The following HMCN1 variants were observed in gnomAD, a reference collection of about 807,000 sequenced individuals.
The protein encoded by HMCN1 is hemicentin 1.
HMCN1 carries 321 observed loss-of-function variants against 625.9 expected under a neutral mutation model. The observed-to-expected ratio is 0.51, with a 90% confidence interval of 0.47 to 0.56. HMCN1 has a LOEUF of 0.56. HMCN1 is among the 20% of genes least tolerant of loss of function. The pLI is 0.00. For missense variants in HMCN1, 6,588 were observed against 6,887.3 expected (o/e 0.96, Z 1.54); for synonymous variants, 2,425 against 2,417.6 (o/e 1.00, Z -0.09).
chr1:186,001,706 G>T lies in HMCN1; in HGVS notation c.4313G>T (p.Gly1438Val), dbSNP rs1653212996. The change falls in exon 28 of 107, where the codon GGC becomes GTC. Residue 1438 changes from glycine to valine, a missense_variant. Around this residue, in one of 3 missense-constraint regions of HMCN1, gnomAD observed 4,628 missense variants for 4,853.1 expected, o/e 0.95. Coordinates refer to ENST00000271588, the MANE Select transcript of HMCN1 (RefSeq NM_031935.3). ...RYSCKAINIAGTSQKYFNIDV... is the reference protein window; with the variant it reads ...RYSCKAINIAVTSQKYFNIDV... ...TCCTGCAAAGCAATTAATATTGCAG[G>T]CACTTCTCAGAAGTACTTTAACATT... The T allele has an allele frequency of 1.4e-5, 23 of 1,612,492 alleles. No individual in the cohort carries two copies. Among genetic ancestry groups the T allele is most frequent in the Non-Finnish European group, 2.0e-5 (23 of 1,178,890 alleles).
chr1:185,889,311 T>C (rs1571508135), intron 4 of HMCN1, among the ~76,000 whole-genome samples: 1 of 143,278 alleles, frequency 7.0e-6, no homozygotes, highest in East Asian at 2.0e-4. Context: ...TTCCTTCTCC[T>C]GCCTAATTGC....
chr1:185,937,219 C>G (rs1312672149), intron 11 of HMCN1, among the ~76,000 whole-genome samples: 1 of 152,160 alleles, frequency 6.6e-6, no homozygotes, highest in East Asian at 1.9e-4. Context: ...GTGTCTTAGT[C>G]TGTTTTTTGC....
intron 29 of HMCN1, among the ~76,000 whole-genome samples, chr1:186,005,267 G>T (rs1653508927): frequency 7.2e-6 from 1 of 138,162 alleles, no homozygotes; most frequent in Non-Finnish European, 1.6e-5. Flanking sequence ...ATTTTTAATT[G>T]TTTATAAATG....
chr1:186,066,076 C>T (rs1658090678), intron 49 of HMCN1, among the ~76,000 whole-genome samples: 1 of 152,136 alleles, frequency 6.6e-6, no homozygotes, highest in Non-Finnish European at 1.5e-5. Context: ...TAGATAGAAA[C>T]TTCTCATATT....
At chr1:186,170,051 CAACA>C (rs1652126402) in intron 100 of HMCN1, among the ~76,000 whole-genome samples, 1 of 151,488 alleles carries the variant, frequency 6.6e-6, no homozygotes, top group South Asian at 2.1e-4. Context: ...TTTATGCAGC[CAACA>C]AACATGAAAA....
At chr1:185,843,409 A>G (rs1177866430) in intron 1 of HMCN1, among the ~76,000 whole-genome samples, 4 of 152,182 alleles carry the variant, frequency 2.6e-5, no homozygotes, top group Non-Finnish European at 2.9e-5. Context: ...CGCCTGGATT[A>G]CCTTTGAGAG....
chr1:185,757,157 GA>G (rs1056707357), intron 1 of HMCN1, among the ~76,000 whole-genome samples: 28 of 152,118 alleles, frequency 1.8e-4, no homozygotes, highest in African/African-American at 6.3e-4. Context: ...ATACTTAGTG[GA>G]GACAGGGTTT....
At chr1:186,163,157 C>T (rs570328795) in intron 97 of HMCN1, among the ~76,000 whole-genome samples, 1 of 152,314 alleles carries the variant, frequency 6.6e-6, no homozygotes, top group South Asian at 2.1e-4. Flanking sequence ...AGTTTGATCT[C>T]AGACTGCTGT....
intron 36 of HMCN1, among the ~76,000 whole-genome samples, chr1:186,028,248 A>G (rs1655190003): frequency 6.6e-6 from 1 of 152,192 alleles, no homozygotes; most frequent in East Asian, 1.9e-4. Flanking sequence ...AGCTTTTGGA[A>G]AAAGGAAAAA....
rs778772506 is a variant in HMCN1 at position 186,045,769 on chromosome 1, C to T, written c.6386C>T (p.Ala2129Val). 5 of 1,611,758 alleles carry T rather than the reference C, an allele frequency of 3.1e-6. No homozygotes were observed. In the South Asian group the frequency reaches 3.3e-5, roughly 11 times the overall value. Residue 2129 changes from alanine (A) to valine (V), a missense_variant, in exon 41 of 107, where the codon GCT (alanine) becomes GTT (valine). Coordinates refer to ENST00000271588, the MANE Select transcript of HMCN1 (RefSeq NM_031935.3). ...GTGGAATTACTATGTCAAAGTGATG[C>T]TATTCCCCCACCTACTCTTACTTGG... ...QAVELLCQSD[A>V]IPPPTLTWLK...
At position 185,784,071 on chromosome 1, in the gene HMCN1, C is replaced by T. The variant is rs555152816; in HGVS notation, c.268+49024C>T. ...GCAATGGCGGTCGCCCCTCCCCCCGCCTCGCTGCCACCTTGCAGTTTGATC... is the reference window on the plus strand; with the variant it reads ...GCAATGGCGGTCGCCCCTCCCCCCGTCTCGCTGCCACCTTGCAGTTTGATC... On this transcript the variant is annotated intron_variant, in intron 1 of 106. Transcript: ENST00000271588. Among the ~76,000 whole-genome samples the T allele has an allele frequency of 9.5e-4, 144 of 152,352 alleles. 2 individuals carry two copies. The highest frequency in any genetic ancestry group is 3.2e-3 in the African/African-American group (134 of 41,584).
intron 35 of HMCN1, among the ~76,000 whole-genome samples, chr1:186,019,991 A>G (rs867112417): frequency 2.0e-5 from 3 of 152,132 alleles, no homozygotes; most frequent in South Asian, 2.1e-4. Flanking sequence ...TCACAGATGA[A>G]TGATGTTCAT....
chr1:185,942,541 AT>A (rs1668135760), intron 11 of HMCN1, among the ~76,000 whole-genome samples: 1 of 152,206 alleles, frequency 6.6e-6, no homozygotes, highest in African/African-American at 2.4e-5. Flanking sequence ...CTTTTTTAAA[AT>A]TTTGGGAGTT....
chr1:186,040,223 CT>C (rs1656117430), intron 39 of HMCN1, among the ~76,000 whole-genome samples: 1 of 152,090 alleles, frequency 6.6e-6, no homozygotes, highest in African/African-American at 2.4e-5. Context: ...TAGGAATTTT[CT>C]GGTAGACTTT....
chr1:186,165,023 A>G (rs1651788111), intron 97 of HMCN1, 88 bp from the exon 98 acceptor site: 4 of 1,127,218 alleles, frequency 3.5e-6, no homozygotes, highest in Non-Finnish European at 1.3e-6. Context: ...CATCTTTGGC[A>G]TATCTTCCCA....
rs1240200092 is a variant in HMCN1 at position 185,984,310 on chromosome 1, C to A, written c.2932C>A (p.His978Asn). ...TNNKTTSVVV[H>N]VLPTIQHGQQ... ...TAACAAAACTACCTCTGTGGTTGTG[C>A]ATGGTAAGAGACACACCCAATGTTA... The change falls in exon 19 of 107, where the codon CAT becomes AAT. Residue 978 changes from histidine to asparagine, a missense_variant. Coordinates refer to ENST00000271588, the MANE Select transcript of HMCN1 (RefSeq NM_031935.3). 6.2e-7 allele frequency: 1 copy of A among 1,613,830 alleles called. No individual in the cohort carries two copies. Among genetic ancestry groups the A allele is most frequent in the African/African-American group, 1.3e-5 (1 of 74,998 alleles).
At chr1:185,834,156 C>G (rs940384223) in intron 1 of HMCN1, among the ~76,000 whole-genome samples, 1 of 152,120 alleles carries the variant, frequency 6.6e-6, no homozygotes, top group African/African-American at 2.4e-5. Flanking sequence ...AGTTTATAAT[C>G]TAGTTTGGGA....
intron 1 of HMCN1, among the ~76,000 whole-genome samples, chr1:185,822,741 T>C (rs1660267585): frequency 1.3e-5 from 2 of 152,182 alleles, no homozygotes; most frequent in South Asian, 4.1e-4. Flanking sequence ...TAAGTAGTTT[T>C]GCTGAGAATA....
Position 185,734,851 on chromosome 1 carries a change from G to T in HMCN1, c.72G>T (p.Ala24=), listed in dbSNP as rs771676142. The change falls in exon 1 of 107, where the codon GCG becomes GCT. Residue 24 remains alanine (A), a synonymous_variant. Transcript: ENST00000271588. ...TTTATTCTTCCCTAGCTCAAGATGC[G>T]AGCCCCCAGTCAGAGATCAGAGCTG... ...ALLYSSLAQD[A]SPQSEIRAEE... is the part of the protein sequence containing the mutation. The T allele has an allele frequency of 6.2e-7, 1 of 1,613,926 alleles. No homozygotes were observed. Among genetic ancestry groups the T allele is most frequent in the Admixed American group, 1.7e-5 (1 of 60,006 alleles).
Sources: gnomAD v4.1 joint callset for allele counts (sites outside exome capture counted in the v4.1 genomes callset) on GRCh38, gnomAD v4.1.1 for gene constraint, gnomAD v4.1.1 regional missense constraint, MANE v1.5 for transcripts, NCBI Gene and HGNC (gene_info 2026-07-23, HGNC 2026-07-21) for gene names.